The following USP24 variants were observed in gnomAD, a reference collection of about 807,000 sequenced individuals.
The protein encoded by USP24 is ubiquitin carboxyl-terminal hydrolase 24.
Under a neutral mutation model 361.6 loss-of-function variants are expected in USP24, and 97 were observed. That is an observed-to-expected ratio of 0.27 (90% CI 0.23 to 0.32). The LOEUF (loss-of-function observed/expected upper bound fraction) is 0.32, where lower values mean the gene tolerates loss of function less well. USP24 is among the 10% of genes least tolerant of loss of function. The pLI is 1.00. For missense variants in USP24, 2,353 were observed against 3,165.6 expected (o/e 0.74, Z 6.16); for synonymous variants, 1,098 against 1,124.6 (o/e 0.98, Z 0.47).
chr1:55,134,151 T>G lies in USP24; in HGVS notation c.3300A>C (p.Arg1100=), dbSNP rs778789462. The G allele has an allele frequency of 6.2e-7, 1 of 1,613,636 alleles. No homozygotes were observed. Among genetic ancestry groups the G allele is most frequent in the Non-Finnish European group, 8.5e-7 (1 of 1,179,738 alleles). ...GTATCAAGAGCAGAAGCTTCCGTACTCGTAGAGTTATCCTGAAGTTTTTCA... is the reference window on the plus strand; with the variant it reads ...GTATCAAGAGCAGAAGCTTCCGTACGCGTAGAGTTATCCTGAAGTTTTTCA... ...ANLEEPRITL[R]VRKLLLLIPT... Residue 1100 remains arginine, a synonymous_variant, in exon 30 of 68, where the codon CGA becomes CGC. Coordinates refer to ENST00000294383, the MANE Select transcript of USP24 (RefSeq NM_015306.3).
At chr1:55,076,165 G>A (rs1322037605) in intron 62 of USP24, among the ~76,000 whole-genome samples, 1 of 152,132 alleles carries the variant, frequency 6.6e-6, no homozygotes, top group East Asian at 1.9e-4. Context: ...ATGATCCTAA[G>A]GATAAGAGGT....
At chr1:55,212,010 T>A (rs546526640) in intron 1 of USP24, among the ~76,000 whole-genome samples, 1 of 152,336 alleles carries the variant, frequency 6.6e-6, no homozygotes, top group East Asian at 1.9e-4. Context: ...TGTGTCCCAT[T>A]CCTTTTTCCT....
Position 55,100,928 on chromosome 1 carries a change from C to T in USP24, c.5182G>A (p.Asp1728Asn). 6.2e-7 allele frequency: 1 copy of T among 1,613,206 alleles called. No individual in the cohort carries two copies. The highest frequency in any genetic ancestry group is 8.5e-7 in the Non-Finnish European group (1 of 1,179,654). ...TGCACTTGGTAAAACACGCTATCAT[C>T]TGGATTGTCTGTGTCATCATCCACT... ...LSVDDDTDNP[D>N]DSVFYQVQSL... The change falls in exon 44 of 68, where the codon GAT becomes AAT. Residue 1728 changes from aspartate (D) to asparagine (N), a missense_variant. This residue lies in a region of USP24 where 949 missense variants were observed against 1,280.5 expected (regional missense o/e 0.74). Coordinates refer to ENST00000294383, the MANE Select transcript of USP24 (RefSeq NM_015306.3).
chr1:55,141,893 T>C (rs1646899733), intron 23 of USP24, among the ~76,000 whole-genome samples, 162 bp from the exon 24 acceptor site: 1 of 152,186 alleles, frequency 6.6e-6, no homozygotes, highest in Non-Finnish European at 1.5e-5. Flanking sequence ...ACCAGTAGGA[T>C]GCTTCTAGTT....
intron 1 of USP24, among the ~76,000 whole-genome samples, chr1:55,197,684 G>T (rs770904521): frequency 6.6e-6 from 1 of 152,070 alleles, no homozygotes; most frequent in African/African-American, 2.4e-5. Context: ...ATTCTCTATT[G>T]TATCTCCAAT....
intron 67 of USP24, among the ~76,000 whole-genome samples, chr1:55,070,183 C>A (rs550685229): frequency 1.4e-4 from 21 of 151,884 alleles, no homozygotes; most frequent in Non-Finnish European, 2.4e-4. Flanking sequence ...TTGGTGGGCG[C>A]AGGGAGGAGG....
Position 55,067,587 on chromosome 1 carries a change from T to G in USP24, c.*1458A>C, listed in dbSNP as rs1644845663. On this transcript the variant is annotated 3_prime_UTR_variant, in exon 68 of 68. Coordinates refer to ENST00000294383, the MANE Select transcript of USP24 (RefSeq NM_015306.3). ...GAGAGCACAGTAATGAGATGCCATC[T>G]GCCTGGCCACATGCCCACACAATGC... The G allele has an allele frequency of 6.6e-6, 1 of 152,252 alleles. No individual in the cohort carries two copies. The highest frequency in any genetic ancestry group is 6.5e-5 in the Admixed American group (1 of 15,292). The allele number at this position is 152,252 out of a possible 1,614,324, so 9.4% of individuals were successfully genotyped here.
chr1:55,209,755 T>C (rs765860883), intron 1 of USP24, among the ~76,000 whole-genome samples: 13 of 152,172 alleles, frequency 8.5e-5, no homozygotes, highest in African/African-American at 3.1e-4. Context: ...CCATCTTATG[T>C]GTTTACTTCT....
intron 55 of USP24, 136 bp from the exon 56 acceptor site, chr1:55,086,174 G>T: frequency 2.7e-6 from 2 of 748,042 alleles, no homozygotes; most frequent in Non-Finnish European, 4.4e-6. Context: ...TGGGCCAAGT[G>T]GAGCTTTCCA....
rs562380657 is a variant in USP24, at chr1:55,186,422, C to G, written c.325-8290G>C. Among the ~76,000 whole-genome samples, 4 of 152,318 alleles carry G rather than the reference C, an allele frequency of 2.6e-5. No individual in the cohort carries two copies. In the South Asian group the frequency reaches 8.3e-4, roughly 32 times the overall value. ...TGTGATTGAGCAACTCTACTGGATA[C>G]ACACATACCAAAAAACTGAAAGAAG... On this transcript the variant is annotated intron_variant, in intron 1 of 67. Coordinates refer to ENST00000294383, the MANE Select transcript of USP24 (RefSeq NM_015306.3).
Position 55,121,466 on chromosome 1 carries a change from A to G in USP24, c.4317T>C (p.Ile1439=), listed in dbSNP as rs578112130. Residue 1439 remains isoleucine (I), a synonymous_variant, in exon 37 of 68, where the codon ATT becomes ATC. Transcript: ENST00000294383. ...YNLPCVADFI[I]DILLGSPSAE... ...CACTTGGTGATCCGAGCAGAATATCAATGATGAAATCAGCAACACAGGGCA... is the reference window on the plus strand; with the variant it reads ...CACTTGGTGATCCGAGCAGAATATCGATGATGAAATCAGCAACACAGGGCA... 21 of 1,613,768 alleles carry G rather than the reference A, an allele frequency of 1.3e-5. No individual in the cohort carries two copies. The East Asian group carries it at 2.7e-4, about 21-fold the overall frequency.
chr1:55,115,952 G>T (rs896332389), intron 38 of USP24, among the ~76,000 whole-genome samples: 1 of 152,138 alleles, frequency 6.6e-6, no homozygotes, highest in African/African-American at 2.4e-5. Context: ...TCACTCATAA[G>T]TGGGAGTTGA....
Position 55,166,600 on chromosome 1 carries a change from G to T in USP24, c.829C>A (p.Pro277Thr). The change falls in exon 6 of 68, where the codon CCT becomes ACT. Residue 277 changes from proline (P) to threonine (T), a missense_variant. Transcript: ENST00000294383. ...ACCAAATCCACAACCCATCCATGAG[G>T]CTCCTATGAGAAAAGAAAAACAAAA... ...VSPVSTFQKE[P>T]HGWVVDLVNK... 6.3e-7 allele frequency: 1 copy of T among 1,591,448 alleles called. No individual in the cohort carries two copies. Among genetic ancestry groups the T allele is most frequent in the Non-Finnish European group, 8.6e-7 (1 of 1,168,442 alleles).
chr1:55,167,234 G>T (rs375962050), intron 5 of USP24, among the ~76,000 whole-genome samples: 2 of 152,128 alleles, frequency 1.3e-5, no homozygotes, highest in African/African-American at 4.8e-5. Flanking sequence ...AGAAAAATAG[G>T]ACCTTCCTCT....
chr1:55,098,968 T>C (rs1000433644), intron 45 of USP24, among the ~76,000 whole-genome samples: 3 of 152,180 alleles, frequency 2.0e-5, no homozygotes, highest in African/African-American at 7.2e-5. Flanking sequence ...GACAGCGGGA[T>C]CTGAGAAGGC....
intron 59 of USP24, 119 bp from the exon 60 acceptor site, chr1:55,079,778 AGAGTACTCACACACT>A (rs772448865): frequency 0.021 from 27,910 of 1,339,290 alleles, 621 homozygotes; most frequent in African/African-American, 0.082. Flanking sequence ...GTACTCTCAC[AGAGTACTCACACACT>A]GAGTACTCAC....
intron 38 of USP24, among the ~76,000 whole-genome samples, chr1:55,117,366 G>T (rs764841949): frequency 1.4e-4 from 22 of 152,308 alleles, no homozygotes; most frequent in Non-Finnish European, 2.1e-4. Flanking sequence ...CATCCAAATT[G>T]AAAAGGGAGT....
At position 55,067,388 on chromosome 1, in the gene USP24, T is replaced by G. The variant is rs1644841879; in HGVS notation, c.*1657A>C. The G allele has an allele frequency of 6.6e-6, 1 of 152,220 alleles. No individual in the cohort carries two copies. Among genetic ancestry groups the G allele is most frequent in the South Asian group, 2.1e-4 (1 of 4,834 alleles). 9.4% of individuals were successfully genotyped at this position (152,220 alleles called of 1,614,324 possible). On this transcript the variant is annotated 3_prime_UTR_variant, in exon 68 of 68. Coordinates refer to ENST00000294383, the MANE Select transcript of USP24 (RefSeq NM_015306.3). ...ATTGGAACCGTCTGAAGTTTGCCAC[T>G]CGCCTCTGTCCGTTTCTCTAAGGGT...
chr1:55,131,060 T>C (rs140598677), intron 31 of USP24, among the ~76,000 whole-genome samples: 1 of 152,350 alleles, frequency 6.6e-6, no homozygotes, highest in African/African-American at 2.4e-5. Flanking sequence ...TGGACCATTC[T>C]GTTTTTCTAT....
Sources: allele counts gnomAD v4.1 joint callset (sites outside exome capture counted in the v4.1 genomes callset), GRCh38; gene constraint gnomAD v4.1.1; regional missense constraint gnomAD v4.1.1; transcripts MANE v1.5; gene names NCBI Gene and HGNC (gene_info 2026-07-23, HGNC 2026-07-21).